Variants in PCDHGA7 observed in about 807,000 individuals in gnomAD.
PCDHGA7 encodes the protein protocadherin gamma subfamily A, 7.
Under a neutral mutation model 58.3 loss-of-function variants are expected in PCDHGA7, and 44 were observed. The observed-to-expected ratio is 0.75, with a 90% confidence interval of 0.59 to 0.97. The LOEUF (loss-of-function observed/expected upper bound fraction) is 0.97. Among genes scored for constraint, PCDHGA7 ranks in the 50% least tolerant of loss-of-function variants. PCDHGA7 has a pLI of 0.00. For synonymous variants in PCDHGA7, 516 were observed against 504.2 expected (o/e 1.02, Z -0.31); for missense variants, 1,266 against 1,188.7 (o/e 1.06, Z -0.96).
At chr5:141,395,557 T>C (rs1405901510) in intron 1 of PCDHGA7, 1 of 136,750 alleles carries the variant, frequency 7.3e-6, no homozygotes, top group East Asian at 1.5e-4. Context: ...TGTGTGTGTG[T>C]GTGTGTGTGT....
At position 141,490,276 on chromosome 5, in the gene PCDHGA7, A is replaced by T; in HGVS notation, c.2425-4531A>T. 1 of 1,614,236 alleles carries T rather than the reference A, an allele frequency of 6.2e-7. No individual in the cohort carries two copies. Among genetic ancestry groups the T allele is most frequent in the Non-Finnish European group, 8.5e-7 (1 of 1,180,036 alleles). On this transcript the variant is annotated intron_variant, in intron 1 of 3. Transcript: ENST00000518325. This position sits in a 1 kb window ranked among gnomAD's most constrained non-coding sequence, Gnocchi z 5.4. ...AGTGGATGTGGGGGATGTCAATGACAATGCCCCAGAGGTGCTATTGGCCTC... is the reference window on the plus strand; with the variant it reads ...AGTGGATGTGGGGGATGTCAATGACTATGCCCCAGAGGTGCTATTGGCCTC...
At chr5:141,422,690 T>G (rs1384522137) in intron 1 of PCDHGA7, 1 of 1,603,908 alleles carries the variant, frequency 6.2e-7, no homozygotes, top group Admixed American at 1.7e-5. Context: ...AATGCCCTGG[T>G]CACTTACTCT....
intron 1 of PCDHGA7, among the ~76,000 whole-genome samples, chr5:141,484,107 A>C (rs13361997): frequency 0.24 from 37,195 of 152,070 alleles, 6,332 homozygotes; most frequent in African/African-American, 0.48. Context: ...TAATTAACAA[A>C]AGATCAAGAA....
intron 2 of PCDHGA7, among the ~76,000 whole-genome samples, chr5:141,497,578 T>C (rs2099778035): frequency 1.3e-5 from 2 of 150,806 alleles, no homozygotes; most frequent in South Asian, 4.2e-4. Context: ...CTTGCTCTGT[T>C]GCCCAAGCTG....
Position 141,383,767 on chromosome 5 carries a change from A to G in PCDHGA7, c.868A>G (p.Lys290Glu), listed in dbSNP as rs1779455066. ...TCGGAAAATAACTCCTAAACTTCCA[A>G]AGATGTTTCATCTGAACTCGCTTAC... ...SFRKITPKLP[K>E]MFHLNSLTGE... The change falls in exon 1 of 4, where the codon AAG (lysine) becomes GAG (glutamate). Residue 290 changes from lysine (K) to glutamate (E), a missense_variant. Transcript: ENST00000518325. 1.2e-6 allele frequency: 2 copies of G among 1,613,886 alleles called. No individual in the cohort carries two copies. The highest frequency in any genetic ancestry group is 2.2e-5 in the South Asian group (2 of 91,096).
chr5:141,492,460 G>T (rs2099740851), intron 1 of PCDHGA7, among the ~76,000 whole-genome samples: 1 of 152,218 alleles, frequency 6.6e-6, no homozygotes, highest in African/African-American at 2.4e-5. Flanking sequence ...GCGCGCCTGA[G>T]GGTCCCAGAT....
chr5:141,399,691 C>T (rs2093867392), intron 1 of PCDHGA7: 1 of 1,613,362 alleles, frequency 6.2e-7, no homozygotes, highest in Admixed American at 1.7e-5. Flanking sequence ...CGAGCAGCTG[C>T]GCACCTTCGA....
At chr5:141,453,370 G>A (rs969698165) in intron 1 of PCDHGA7, among the ~76,000 whole-genome samples, 1 of 152,046 alleles carries the variant, frequency 6.6e-6, no homozygotes, top group Non-Finnish European at 1.5e-5. Context: ...CTGGGGTCAA[G>A]TGATCCTCCT....
chr5:141,384,888 T>C lies in PCDHGA7; in HGVS notation c.1989T>C (p.Ala663=). 2 of 1,613,854 alleles carry C rather than the reference T, an allele frequency of 1.2e-6. No homozygotes were observed. The highest frequency in any genetic ancestry group is 1.7e-6 in the Non-Finnish European group (2 of 1,179,984). ...CAGCCACCGTCACACTCACCGTGGC[T>C]GTGGCTGACAGCATCCCCGAAGTCT... is the stretch of plus-strand genomic sequence containing the variant. The part of the protein sequence containing the change: ...PLSATVTLTV[A]VADSIPEVLA... The change falls in exon 1 of 4, where the codon GCT becomes GCC. Residue 663 remains alanine, a synonymous_variant. Transcript: ENST00000518325.
chr5:141,415,860 A>G (rs2095965840), intron 1 of PCDHGA7: 3 of 1,175,636 alleles, frequency 2.6e-6, no homozygotes, highest in Middle Eastern at 3.1e-4. Context: ...CTTGTAGTTT[A>G]TAGTGTTGTT....
At position 141,476,395 on chromosome 5, in the gene PCDHGA7, T is replaced by C. The variant is rs545562470; in HGVS notation, c.2425-18412T>C. 4 of 1,614,020 alleles carry C rather than the reference T, an allele frequency of 2.5e-6. 1 individual carries two copies. In the South Asian group the frequency reaches 4.4e-5, roughly 18 times the overall value. On this transcript the variant is annotated intron_variant, in intron 1 of 3. Transcript: ENST00000518325. This position sits in a 1 kb window ranked among gnomAD's most constrained non-coding sequence, Gnocchi z 7.6. ...AGATGTTTGTGAACGACCGTCTGGATCGAGAGGAGCTGTGTGGGACACTGC... is the reference window on the plus strand; with the variant it reads ...AGATGTTTGTGAACGACCGTCTGGACCGAGAGGAGCTGTGTGGGACACTGC...
rs1374498220 is a variant in PCDHGA7 at position 141,383,331 on chromosome 5, G to A, written c.432G>A (p.Glu144=). The change falls in exon 1 of 4, where the codon GAG becomes GAA. Residue 144 remains glutamate (E), a synonymous_variant. Coordinates refer to ENST00000518325, the MANE Select transcript of PCDHGA7 (RefSeq NM_018920.4). ...LTEEINVKIM[E]NTAPGVRFPL... ...AAGAAATAAATGTAAAAATAATGGA[G>A]AATACAGCTCCTGGGGTTCGGTTTC... 6.2e-7 allele frequency: 1 copy of A among 1,613,874 alleles called. No homozygotes were observed. Among genetic ancestry groups the A allele is most frequent in the East Asian group, 2.2e-5 (1 of 44,900 alleles).
intron 1 of PCDHGA7, among the ~76,000 whole-genome samples, chr5:141,406,668 G>A (rs1415631899): frequency 3.3e-5 from 5 of 152,122 alleles, no homozygotes; most frequent in African/African-American, 7.2e-5. Flanking sequence ...TTAAATTATG[G>A]AGAATAGTAG....
intron 3 of PCDHGA7, among the ~76,000 whole-genome samples, chr5:141,509,440 C>T (rs1036780108): frequency 2.0e-5 from 3 of 152,158 alleles, no homozygotes; most frequent in Non-Finnish European, 4.4e-5. Flanking sequence ...CTTGTTTCCT[C>T]CTCTCCCACC....
chr5:141,393,896 T>G (rs754023896), intron 1 of PCDHGA7: 1 of 1,613,942 alleles, frequency 6.2e-7, no homozygotes, highest in Non-Finnish European at 8.5e-7. Context: ...AAAATTCTCT[T>G]CCCGGGACAG....
intron 1 of PCDHGA7, chr5:141,426,849 G>A (rs749455878): frequency 2.4e-5 from 11 of 456,660 alleles, no homozygotes; most frequent in South Asian, 1.7e-4. Flanking sequence ...AGGCAAGAAC[G>A]CTCCAGAATT....
At chr5:141,425,987 G>A (rs1304785231) in intron 1 of PCDHGA7, among the ~76,000 whole-genome samples, 1 of 152,188 alleles carries the variant, frequency 6.6e-6, no homozygotes, top group Non-Finnish European at 1.5e-5. Flanking sequence ...GAATCCCATT[G>A]AATTAGCAAA....
Position 141,490,709 on chromosome 5 carries a change from C to T in PCDHGA7, c.2425-4098C>T. ...GACACTGGGGATAATGCCCGCCTCA[C>T]CTACTCCATTGTAGGAAATCAGGTT... On this transcript the variant is annotated intron_variant, in intron 1 of 3. Transcript: ENST00000518325. This position sits in a 1 kb window ranked among gnomAD's most constrained non-coding sequence, Gnocchi z 5.4. The T allele has an allele frequency of 1.9e-6, 3 of 1,614,218 alleles. No homozygotes were observed. Among genetic ancestry groups the T allele is most frequent in the Non-Finnish European group, 2.5e-6 (3 of 1,180,038 alleles).
intron 1 of PCDHGA7, chr5:141,393,503 G>T: frequency 6.2e-7 from 1 of 1,614,028 alleles, no homozygotes; most frequent in Non-Finnish European, 8.5e-7. Context: ...GCATCCACGT[G>T]ACAGTGTTGG....
Sources: gnomAD v4.1 joint callset for allele counts (sites outside exome capture counted in the v4.1 genomes callset) on GRCh38, gnomAD v4.1.1 for gene constraint, Gnocchi (gnomAD v3.1) non-coding constraint, MANE v1.5 for transcripts, NCBI Gene and HGNC (gene_info 2026-07-23, HGNC 2026-07-21) for gene names.